The following TMTC2 variants were observed in gnomAD, a reference collection of about 807,000 sequenced individuals.
TMTC2 encodes transmembrane O-mannosyltransferase targeting cadherins 2.
Under a neutral mutation model 82.4 loss-of-function variants are expected in TMTC2, and 43 were observed. The ratio of observed to expected loss-of-function variants is 0.52; its 90% confidence interval spans 0.41 to 0.67. TMTC2 has a LOEUF of 0.67. Among genes scored for constraint, TMTC2 ranks in the 30% least tolerant of loss-of-function variants. The pLI, the probability that TMTC2 is intolerant of heterozygous loss-of-function variation, is 0.00. For missense variants in TMTC2, 919 were observed against 1,012.4 expected (o/e 0.91, Z 1.25); for synonymous variants, 408 against 381.9 (o/e 1.07, Z -0.80).
At chr12:82,898,916 A>G (rs1009919837) in intron 3 of TMTC2, among the ~76,000 whole-genome samples, 3 of 152,224 alleles carry the variant, frequency 2.0e-5, no homozygotes, top group Non-Finnish European at 4.4e-5. Flanking sequence ...GTCAGTCAGA[A>G]TAAGTGAAAA....
intron 2 of TMTC2, among the ~76,000 whole-genome samples, chr12:82,877,708 T>C (rs1872648868): frequency 2.6e-5 from 4 of 152,232 alleles, no homozygotes; most frequent in Non-Finnish European, 5.9e-5. Flanking sequence ...TGACTTGGCT[T>C]CATAGTTCAT....
chr12:83,041,288 A>G (rs893555073), intron 9 of TMTC2, among the ~76,000 whole-genome samples: 3 of 152,158 alleles, frequency 2.0e-5, no homozygotes, highest in Admixed American at 6.5e-5. Context: ...AAACAGTGAC[A>G]TGGATTTGGA....
rs17009979 is a variant in TMTC2 at position 82,789,841 on chromosome 12, A to G, written c.84-67169A>G. 1.6e-3 allele frequency among the ~76,000 whole-genome samples: 239 copies of G among 152,252 alleles called. 1 individual carries two copies. The highest frequency in any genetic ancestry group is 5.2e-3 in the African/African-American group (216 of 41,558). On this transcript the variant is annotated intron_variant, in intron 1 of 11. Transcript: ENST00000321196. ...GTGTTCTATTATATTTGCTTTTCAC[A>G]TCTAACTGGTAAAGTAGGCAAGACA...
chr12:82,872,964 A>G (rs911199969), intron 2 of TMTC2, among the ~76,000 whole-genome samples: 4 of 152,212 alleles, frequency 2.6e-5, no homozygotes, highest in Non-Finnish European at 4.4e-5. Flanking sequence ...CTGCAGGAAA[A>G]TATATGAATA....
intron 9 of TMTC2, among the ~76,000 whole-genome samples, chr12:83,032,305 C>T (rs1487340599): frequency 9.0e-5 from 12 of 133,654 alleles, no homozygotes; most frequent in African/African-American, 3.5e-4. Context: ...AGGTTTGTCA[C>T]AATCCATTTC....
chr12:82,759,746 A>T (rs1592498566), intron 1 of TMTC2: 1 of 152,360 alleles, frequency 6.6e-6, no homozygotes, highest in African/African-American at 2.4e-5. Flanking sequence ...CCTTTTATAG[A>T]TGACAGCCCA....
At chr12:82,971,152 C>A (rs998477968) in intron 7 of TMTC2, among the ~76,000 whole-genome samples, 2 of 151,800 alleles carry the variant, frequency 1.3e-5, no homozygotes, top group Non-Finnish European at 2.9e-5. Flanking sequence ...TAAAAATTAG[C>A]ACTCCCCCAA....
chr12:83,089,848 A>AAAAAAC (rs979356240), intron 11 of TMTC2, among the ~76,000 whole-genome samples: 2 of 114,290 alleles, frequency 1.7e-5, no homozygotes, highest in South Asian at 5.3e-4. Flanking sequence ...AACAAAAAAC[A>AAAAAAC]AAAAAAAAAA....
At chr12:83,005,606 C>T (rs889466489) in intron 8 of TMTC2, among the ~76,000 whole-genome samples, 1 of 152,170 alleles carries the variant, frequency 6.6e-6, no homozygotes, top group Non-Finnish European at 1.5e-5. Flanking sequence ...TCTGGATCTA[C>T]GTGCTCTGAC....
chr12:82,875,808 C>A (rs1872455759), intron 2 of TMTC2, among the ~76,000 whole-genome samples: 1 of 149,512 alleles, frequency 6.7e-6, no homozygotes. Context: ...CTCTTTTTTC[C>A]CCACCAAATT....
intron 1 of TMTC2, among the ~76,000 whole-genome samples, chr12:82,790,749 C>G (rs534388465): frequency 6.6e-6 from 1 of 151,428 alleles, no homozygotes; most frequent in South Asian, 2.1e-4. Context: ...ATCACTTGAA[C>G]CCGGGAGGCG....
At chr12:83,050,660 A>G (rs753165298) in intron 9 of TMTC2, among the ~76,000 whole-genome samples, 32 of 152,116 alleles carry the variant, frequency 2.1e-4, no homozygotes, top group Non-Finnish European at 4.1e-4. Flanking sequence ...TTCATCATAT[A>G]TCTTGCTGAA....
At chr12:82,962,550 G>A (rs1877989103) in intron 4 of TMTC2, among the ~76,000 whole-genome samples, 1 of 152,000 alleles carries the variant, frequency 6.6e-6, no homozygotes, top group Non-Finnish European at 1.5e-5. Flanking sequence ...TGGAGTGAAT[G>A]ACTGTGTTAA....
In TMTC2 at chr12:83,067,635, A is replaced by G. The variant is rs569351295; in HGVS notation, c.2331+5804A>G. ...TGCTAATCCTGTGGGGGAAGAAAGG[A>G]TAGAATTTTATGTTAAAGACTCATG... On this transcript the variant is annotated intron_variant, in intron 11 of 11. Transcript: ENST00000321196. Among the ~76,000 whole-genome samples, 3 of 152,126 alleles carry G rather than the reference A, an allele frequency of 2.0e-5. No individual in the cohort carries two copies. In the South Asian group the frequency reaches 6.2e-4, roughly 32 times the overall value.
At chr12:83,128,479 G>C (rs953649902) in intron 11 of TMTC2, among the ~76,000 whole-genome samples, 8 of 151,762 alleles carry the variant, frequency 5.3e-5, no homozygotes, top group African/African-American at 1.9e-4. Flanking sequence ...TTCTATTTTG[G>C]GGGAGGATAG....
chr12:83,015,819 C>A (rs1014549384), intron 8 of TMTC2, among the ~76,000 whole-genome samples: 1 of 152,136 alleles, frequency 6.6e-6, no homozygotes, highest in Non-Finnish European at 1.5e-5. Context: ...TGGTCCAGTC[C>A]GGCGATACGC....
chr12:83,073,829 AT>A (rs1316514422), intron 11 of TMTC2, among the ~76,000 whole-genome samples: 2 of 151,732 alleles, frequency 1.3e-5, no homozygotes, highest in Non-Finnish European at 2.9e-5. Context: ...TGAGTTTTTG[AT>A]TGTTTTTTCT....
chr12:82,986,252 C>T (rs1206630142), intron 8 of TMTC2: 1 of 565,882 alleles, frequency 1.8e-6, no homozygotes, highest in African/African-American at 1.9e-5. Context: ...TGTGAGATGT[C>T]TGTATCTTAC....
intron 2 of TMTC2, among the ~76,000 whole-genome samples, chr12:82,883,525 G>T (rs997460660): frequency 1.3e-5 from 2 of 152,134 alleles, no homozygotes; most frequent in Non-Finnish European, 2.9e-5. Context: ...CCCACTGAGT[G>T]AAGTCTCATT....
Sources: gnomAD v4.1 joint callset for allele counts (sites outside exome capture counted in the v4.1 genomes callset) on GRCh38, gnomAD v4.1.1 for gene constraint, MANE v1.5 for transcripts, NCBI Gene and HGNC (gene_info 2026-07-23, HGNC 2026-07-21) for gene names.